Variants in RNF6 observed in about 807,000 individuals in gnomAD.
RNF6 encodes the protein E3 ubiquitin-protein ligase RNF6.
In RNF6, 21 loss-of-function variants were observed where a neutral mutation model predicts 50.1. The ratio of observed to expected loss-of-function variants is 0.42; its 90% confidence interval spans 0.30 to 0.60. The LOEUF (loss-of-function observed/expected upper bound fraction) is 0.60. Ranked by LOEUF, RNF6 falls within the 20% of genes least tolerant of loss-of-function variation. The pLI is 0.20. For synonymous variants in RNF6, 255 were observed against 291.8 expected (o/e 0.87, Z 1.29); for missense variants, 698 against 838.2 (o/e 0.83, Z 2.07).
At chr13:26,204,399 A>C (rs1351424844) in intron 5 of RNF6, among the ~76,000 whole-genome samples, 1 of 148,342 alleles carries the variant, frequency 6.7e-6, no homozygotes, top group Non-Finnish European at 1.5e-5. Context: ...CGGGAGGCTG[A>C]GGCAGGAGAA....
At chr13:26,203,182 T>C (rs887742804) in intron 5 of RNF6, among the ~76,000 whole-genome samples, 11 of 152,204 alleles carry the variant, frequency 7.2e-5, no homozygotes, top group Admixed American at 5.2e-4. Context: ...CTGTTCATAC[T>C]GAGTGCAGGT....
intron 5 of RNF6, among the ~76,000 whole-genome samples, chr13:26,152,425 T>C (rs966055550): frequency 6.6e-6 from 1 of 152,212 alleles, no homozygotes; most frequent in Non-Finnish European, 1.5e-5. Flanking sequence ...CTCTTTTCAG[T>C]AGCTTTTTCT....
chr13:26,154,879 A>C (rs1386562378), intron 5 of RNF6, among the ~76,000 whole-genome samples: 1 of 152,074 alleles, frequency 6.6e-6, no homozygotes, highest in Non-Finnish European at 1.5e-5. Flanking sequence ...AAAATAAAAA[A>C]ATTAGCCGGA....
downstream of RNF6, among the ~76,000 whole-genome samples, chr13:26,211,971 GTCT>G (rs1869346474): frequency 1.3e-5 from 2 of 152,044 alleles, no homozygotes; most frequent in South Asian, 4.1e-4. Context: ...ACCAAACAAC[GTCT>G]TTTTTTAAAA....
intron 5 of RNF6, among the ~76,000 whole-genome samples, chr13:26,154,772 G>A (rs904908096): frequency 6.6e-6 from 1 of 152,190 alleles, no homozygotes; most frequent in Non-Finnish European, 1.5e-5. Flanking sequence ...GCTCACACCT[G>A]TAATCCTAGC....
At chr13:26,143,263 A>G (rs1469926310) in intron 5 of RNF6, among the ~76,000 whole-genome samples, 1 of 151,438 alleles carries the variant, frequency 6.6e-6, no homozygotes, top group Non-Finnish European at 1.5e-5. Flanking sequence ...GCCTTAAGGG[A>G]TCTCCTGTAT....
intron 4 of RNF6, among the ~76,000 whole-genome samples, chr13:26,217,654 T>C (rs1307695553): frequency 6.6e-6 from 1 of 152,242 alleles, no homozygotes; most frequent in East Asian, 1.9e-4. Flanking sequence ...TGTTCTGTAT[T>C]TGTGCTGTCC....
chr13:26,150,597 T>C (rs763086784), intron 5 of RNF6, among the ~76,000 whole-genome samples: 13 of 152,158 alleles, frequency 8.5e-5, no homozygotes, highest in Non-Finnish European at 1.5e-5. Context: ...TTATGACACC[T>C]AGTAAGTCCT....
chr13:26,145,461 C>A (rs1301296466), intron 5 of RNF6, among the ~76,000 whole-genome samples: 2 of 145,550 alleles, frequency 1.4e-5, no homozygotes, highest in Admixed American at 6.9e-5. Flanking sequence ...GGGGGGGGGA[C>A]TTCCCCCTTA....
At chr13:26,156,744 A>C (rs1566412558) in intron 5 of RNF6, among the ~76,000 whole-genome samples, 1 of 152,252 alleles carries the variant, frequency 6.6e-6, no homozygotes, top group Non-Finnish European at 1.5e-5. Flanking sequence ...AAAGTATCAG[A>C]TTCTCTCATT....
intron 5 of RNF6, among the ~76,000 whole-genome samples, chr13:26,186,379 T>C (rs1166465585): frequency 1.3e-5 from 2 of 152,366 alleles, no homozygotes; most frequent in East Asian, 3.9e-4. Context: ...TCTGCAAGGC[T>C]GTCCCGCGGC....
chr13:26,142,016 A>C (rs926218403), intron 5 of RNF6, among the ~76,000 whole-genome samples: 1 of 152,148 alleles, frequency 6.6e-6, no homozygotes, highest in African/African-American at 2.4e-5. Context: ...TAAGGAACTT[A>C]AATAAATCAA....
chr13:26,144,380 C>CTT lies in RNF6; in HGVS notation n.769-11930_769-11929insAA, dbSNP rs1871122952. 2.2e-4 allele frequency among the ~76,000 whole-genome samples: 6 copies of CTT among 27,448 alleles called. No homozygotes were observed. The South Asian group carries it at 0.016, about 74-fold the overall frequency. 18.0% of individuals were successfully genotyped at this position (27,448 alleles called of 152,430 possible). On this transcript the variant is annotated intron_variant and non_coding_transcript_variant, in intron 5 of 5. Coordinates refer to the RNF6 transcript ENST00000468480. ...GTAAGCATTCACATGGAAATATCTT[C>CTT]ATTTTTTTTTTTCACTATTTCAGAG...
chr13:26,150,468 C>A (rs562117661), intron 5 of RNF6, among the ~76,000 whole-genome samples: 1 of 152,146 alleles, frequency 6.6e-6, no homozygotes, highest in South Asian at 2.1e-4. Flanking sequence ...CCTCCCTGTA[C>A]CTGGGACAAG....
chr13:26,181,837 A>G (rs1414835207), intron 5 of RNF6, among the ~76,000 whole-genome samples: 1 of 152,228 alleles, frequency 6.6e-6, no homozygotes, highest in Non-Finnish European at 1.5e-5. Context: ...TTTCCTTGGT[A>G]GATAAATTGC....
At chr13:26,171,076 A>G (rs1340750962) in intron 5 of RNF6, among the ~76,000 whole-genome samples, 1 of 152,200 alleles carries the variant, frequency 6.6e-6, no homozygotes, top group East Asian at 1.9e-4. Flanking sequence ...ATCAAAATTA[A>G]AAACTTTGGT....
chr13:26,200,808 CT>C (rs1247708856), intron 5 of RNF6, among the ~76,000 whole-genome samples: 1 of 152,156 alleles, frequency 6.6e-6, no homozygotes, highest in African/African-American at 2.4e-5. Context: ...AATATGTGTG[CT>C]GTTTCTTGCT....
In RNF6 at chr13:26,140,769, C is replaced by T. The variant is rs189764911; in HGVS notation, n.769-8318G>A. Among the ~76,000 whole-genome samples the T allele has an allele frequency of 1.3e-4, 20 of 152,254 alleles. No individual in the cohort carries two copies. The East Asian group carries it at 3.1e-3, about 23-fold the overall frequency. ...ACAAAAAGCTCCTAGACCTGATGAA[C>T]GAATTTGATAAAGTTTCAGGACACA... On this transcript the variant is annotated intron_variant and non_coding_transcript_variant, in intron 5 of 5. Transcript: ENST00000468480.
chr13:26,189,458 G>A (rs1868376255), intron 5 of RNF6, among the ~76,000 whole-genome samples: 2 of 152,198 alleles, frequency 1.3e-5, no homozygotes, highest in African/African-American at 4.8e-5. Context: ...TTTTGTTTAT[G>A]TATATCTGTG....
Sources: gnomAD v4.1 joint callset for allele counts (sites outside exome capture counted in the v4.1 genomes callset) on GRCh38, gnomAD v4.1.1 for gene constraint, MANE v1.5 for transcripts, NCBI Gene and HGNC (gene_info 2026-07-23, HGNC 2026-07-21) for gene names.